Variants in CCZ1B observed in about 807,000 individuals in gnomAD.
CCZ1B encodes CCZ1B vacuolar protein trafficking and biogenesis associated, also known as vacuolar fusion protein CCZ1 homolog B.
Under a neutral mutation model 58.8 loss-of-function variants are expected in CCZ1B, and 25 were observed. The ratio of observed to expected loss-of-function variants is 0.43; its 90% CI spans 0.31 to 0.59. The LOEUF is 0.59. Among genes scored for constraint, CCZ1B ranks in the 20% least tolerant of loss-of-function variants. CCZ1B has a pLI of 0.12. For missense variants in CCZ1B, 180 were observed against 501.5 expected (o/e 0.36, Z 6.12); for synonymous variants, 66 against 173.2 (o/e 0.38, Z 4.86).
chr7:6,821,984 C>T (rs1402222353), intron 6 of CCZ1B, among the ~76,000 whole-genome samples: 1 of 149,384 alleles, frequency 6.7e-6, no homozygotes, highest in East Asian at 1.9e-4. Context: ...GCTGAGTAAG[C>T]CCAGAAGGAC....
intron 6 of CCZ1B, 58 bp downstream of exon 6, chr7:6,822,223 T>C: frequency 6.4e-7 from 1 of 1,558,694 alleles, no homozygotes; most frequent in Non-Finnish European, 8.6e-7. Context: ...CTGTCTATAT[T>C]TCTCTAAAAA....
intron 7 of CCZ1B, among the ~76,000 whole-genome samples, chr7:6,817,155 T>C (rs1422015459): frequency 2.0e-5 from 3 of 152,312 alleles, no homozygotes; most frequent in Admixed American, 6.5e-5. Context: ...AACCGAGCAG[T>C]TCTGTGCAGC....
chr7:6,812,929 AAAAG>A, intron 9 of CCZ1B, 43 bp downstream of exon 9: 1 of 1,486,698 alleles, frequency 6.7e-7, no homozygotes, highest in Non-Finnish European at 9.1e-7. Flanking sequence ...TCTGAGTCAA[AAAAG>A]AAAGAAAACC....
intron 7 of CCZ1B, among the ~76,000 whole-genome samples, chr7:6,816,158 G>A (rs538780688): frequency 6.1e-5 from 9 of 148,032 alleles, no homozygotes; most frequent in African/African-American, 2.3e-4. Flanking sequence ...GGCTGGATCT[G>A]GGCGTTTTCT....
At chr7:6,817,214 C>T (rs1310075827) in intron 7 of CCZ1B, among the ~76,000 whole-genome samples, 4 of 151,512 alleles carry the variant, frequency 2.6e-5, no homozygotes, top group South Asian at 2.1e-4. Flanking sequence ...TCCAAGATGA[C>T]GATGCCAACA....
intron 7 of CCZ1B, among the ~76,000 whole-genome samples, chr7:6,815,573 C>T (rs1782987184): frequency 6.7e-6 from 1 of 149,022 alleles, no homozygotes; most frequent in African/African-American, 2.5e-5. Flanking sequence ...AAGCAAACCT[C>T]CCACCTCAGC....
chr7:6,820,047 T>C (rs1783083742), intron 6 of CCZ1B, 106 bp from the exon 7 acceptor site: 4 of 1,341,610 alleles, frequency 3.0e-6, no homozygotes, highest in African/African-American at 1.5e-5. Context: ...ATGGTACAAT[T>C]ACATACTAGC....
intron 5 of CCZ1B, 40 bp from the exon 6 acceptor site, chr7:6,822,404 CTAT>C (rs767667296): frequency 7.0e-6 from 11 of 1,576,116 alleles, no homozygotes; most frequent in Non-Finnish European, 9.4e-6. Flanking sequence ...AATCAGTTTC[CTAT>C]GCTCACTTTT....
chr7:6,810,309 C>T lies in CCZ1B; in HGVS notation c.954+1643G>A, dbSNP rs2711213. On this transcript the variant is annotated intron_variant, in intron 10 of 14. Coordinates refer to ENST00000316731, the MANE Select transcript of CCZ1B (RefSeq NM_198097.5). ...ATTATAGGCGTGAGCCACCATGCCCCGGCTAATGTCTTTCTTTTGTCTTAT... is the reference window on the plus strand; with the variant it reads ...ATTATAGGCGTGAGCCACCATGCCCTGGCTAATGTCTTTCTTTTGTCTTAT... Among the ~76,000 whole-genome samples the T allele has an allele frequency of 1.4e-4, 20 of 147,896 alleles. 1 individual carries two copies. The highest frequency in any genetic ancestry group is 3.6e-3 in the Middle Eastern group (1 of 276).
chr7:6,811,715 C>T (rs548711052), intron 10 of CCZ1B: 16 of 440,114 alleles, frequency 3.6e-5, no homozygotes, highest in Admixed American at 1.2e-4. Flanking sequence ...AGACTTCACA[C>T]GTTTATAAAT....
At chr7:6,817,213 A>G (rs1783018505) in intron 7 of CCZ1B, among the ~76,000 whole-genome samples, 1 of 151,454 alleles carries the variant, frequency 6.6e-6, no homozygotes, top group Non-Finnish European at 1.5e-5. Flanking sequence ...TTCCAAGATG[A>G]CGATGCCAAC....
At chr7:6,820,620 C>T (rs1322119007) in intron 6 of CCZ1B, among the ~76,000 whole-genome samples, 1 of 148,826 alleles carries the variant, frequency 6.7e-6, no homozygotes, top group East Asian at 2.0e-4. Context: ...CCAGCTAGCA[C>T]TTTCAAGTAT....
intron 6 of CCZ1B, among the ~76,000 whole-genome samples, chr7:6,821,598 A>T (rs989414963): frequency 1.3e-5 from 2 of 151,446 alleles, no homozygotes; most frequent in Non-Finnish European, 2.9e-5. Flanking sequence ...TTGCTTCAAG[A>T]TAAACTAGGC....
chr7:6,813,592 A>G lies in CCZ1B; in HGVS notation c.781-555T>C, dbSNP rs975079691. ...CGGGAGGACAAGAGGGAGGGAATGA[A>G]CAAGCGAAGAGAGTGAGTTCAACTG... On this transcript the variant is annotated intron_variant, in intron 8 of 14. Coordinates refer to ENST00000316731, the MANE Select transcript of CCZ1B (RefSeq NM_198097.5). 8.4e-4 allele frequency among the ~76,000 whole-genome samples: 125 copies of G among 149,484 alleles called. 9 individuals carry two copies. The highest frequency in any genetic ancestry group is 2.7e-3 in the African/African-American group (106 of 39,604).
chr7:6,813,284 T>C (rs566333760), intron 8 of CCZ1B, among the ~76,000 whole-genome samples: 2 of 149,374 alleles, frequency 1.3e-5, no homozygotes, highest in Admixed American at 6.7e-5. Context: ...TGACCAAACC[T>C]GGCTAGTTTT....
In CCZ1B at chr7:6,813,813, T is replaced by C. The variant is rs981031609; in HGVS notation, c.781-776A>G. On this transcript the variant is annotated intron_variant, in intron 8 of 14. Transcript: ENST00000316731. The stretch of plus-strand genomic sequence containing the variant: ...CTACACAGGTTGATTGTTTTAAAGA[T>C]CACTGGCATTTTAAAGGTTTCTAGA... Among the ~76,000 whole-genome samples, 3 of 145,814 alleles carry C rather than the reference T, an allele frequency of 2.1e-5. 1 individual carries two copies. Among genetic ancestry groups the C allele is most frequent in the Non-Finnish European group, 4.5e-5 (3 of 67,106 alleles).
At chr7:6,812,172 G>C (rs1782926455) in intron 9 of CCZ1B, 109 bp from the exon 10 acceptor site, 2 of 1,190,212 alleles carry the variant, frequency 1.7e-6, no homozygotes, top group East Asian at 2.3e-5. Context: ...TTTGATGCCA[G>C]CTGCTATTTG....
At chr7:6,820,566 T>C (rs970649014) in intron 6 of CCZ1B, among the ~76,000 whole-genome samples, 1 of 148,658 alleles carries the variant, frequency 6.7e-6, no homozygotes, top group African/African-American at 2.5e-5. Context: ...TTCTCGTGTC[T>C]AGGCATCCCA....
At chr7:6,818,168 A>T (rs1051106947) in intron 7 of CCZ1B, among the ~76,000 whole-genome samples, 1 of 149,650 alleles carries the variant, frequency 6.7e-6, no homozygotes, top group Non-Finnish European at 1.5e-5. Flanking sequence ...TTTGGCAGGG[A>T]AGGTAAATTT....
Sources: gnomAD v4.1 joint callset for allele counts (sites outside exome capture counted in the v4.1 genomes callset) on GRCh38, gnomAD v4.1.1 for gene constraint, MANE v1.5 for transcripts, NCBI Gene and HGNC (gene_info 2026-07-23, HGNC 2026-07-21) for gene names.